The following RTEL1 variants were observed in gnomAD, a reference collection of about 807,000 sequenced individuals.
RTEL1 encodes regulator of telomere length.
A neutral mutation model predicts 162.2 loss-of-function variants in RTEL1; 86 were observed. That is an observed-to-expected ratio of 0.53 (90% CI 0.45 to 0.63). The LOEUF (loss-of-function observed/expected upper bound fraction) is 0.63, where lower values mean the gene tolerates loss of function less well. Among genes scored for constraint, RTEL1 ranks in the 30% least tolerant of loss-of-function variants. The pLI is 0.00. For synonymous variants in RTEL1, 958 were observed against 717.9 expected (o/e 1.33, Z -5.35); for missense variants, 1,941 against 1,750.2 (o/e 1.11, Z -1.95).
intron 10 of RTEL1, among the ~76,000 whole-genome samples, chr20:63,676,618 A>T (rs2090354723): frequency 6.6e-6 from 1 of 152,150 alleles, no homozygotes; most frequent in Admixed American, 6.5e-5. Context: ...TGGTGATCCC[A>T]TTCACACAGG....
Position 63,685,608 on chromosome 20 carries a change from C to A in RTEL1, c.1266+11C>A. ...TTACAGTCCTATAAGGTAGGGGCCA[C>A]CTCCAGGAGGCAGGTGGAGGGCAGC... On this transcript the variant is annotated intron_variant, in intron 15 of 34. Transcript: ENST00000360203. 4 of 1,608,600 alleles carry A rather than the reference C, an allele frequency of 2.5e-6. No individual in the cohort carries two copies. The South Asian group carries it at 4.4e-5, about 18-fold the overall frequency.
At chr20:63,688,704 C>T in intron 21 of RTEL1, 99 bp downstream of exon 21, 1 of 1,088,002 alleles carries the variant, frequency 9.2e-7, no homozygotes, top group Admixed American at 2.4e-5. Context: ...ACCATGGGCT[C>T]CGGCGGCTCC....
At chr20:63,667,579 G>C in intron 8 of RTEL1, 26 bp downstream of exon 8, 2 of 1,564,748 alleles carry the variant, frequency 1.3e-6, no homozygotes, top group Non-Finnish European at 1.8e-6. Flanking sequence ...TGTAGCTGAC[G>C]ACTCCTGATG....
In RTEL1 at chr20:63,691,823, C is replaced by G. The variant is rs376204071; in HGVS notation, c.2638C>G (p.Leu880Val). 111 of 1,611,092 alleles carry G rather than the reference C, an allele frequency of 6.9e-5. No individual in the cohort carries two copies. Among genetic ancestry groups the G allele is most frequent in the Non-Finnish European group, 8.6e-5 (102 of 1,179,694 alleles). ...GCGAGGAGGGAGGAAGAAGATCCGG[C>G]TGGTCAGCCACCCGGTGCGTGAGCT... The part of the protein sequence containing the change: ...EPRGGRKKIR[L>V]VSHPEEPVAG... The change falls in exon 28 of 35, where the codon CTG becomes GTG. Residue 880 changes from leucine (L) to valine (V), a missense_variant. Physicochemically the swap from Leu to Val is conservative, Grantham distance 32. Transcript: ENST00000360203.
intron 14 of RTEL1, chr20:63,682,531 G>C: frequency 2.0e-6 from 2 of 985,772 alleles, no homozygotes; most frequent in Non-Finnish European, 2.4e-6. Flanking sequence ...CCATCGGTTT[G>C]GAATTTCCTT....
At chr20:63,679,179 G>T (rs752671170) in intron 12 of RTEL1, among the ~76,000 whole-genome samples, 31 of 151,908 alleles carry the variant, frequency 2.0e-4, no homozygotes, top group Admixed American at 2.0e-4. Context: ...GGCAGATGAG[G>T]AGTCAGGGCT....
At position 63,659,220 on chromosome 20, in the gene RTEL1, C is replaced by T. The variant is rs1316237684; in HGVS notation, c.-170-13C>T. On this transcript the variant is annotated splice_polypyrimidine_tract_variant and intron_variant, in intron 1 of 34. Transcript: ENST00000360203. ...AAGGCTGTCTACAAACAGAGTCTTA[C>T]TGTCTTTCCCAGGTCTGTGCCATAG... 1.1e-5 allele frequency: 7 copies of T among 615,920 alleles called. No homozygotes were observed. Among genetic ancestry groups the T allele is most frequent in the African/African-American group, 1.1e-4 (6 of 54,790 alleles). The allele number at this position is 615,920 out of a possible 1,614,324, so 38.2% of individuals were successfully genotyped here. A position where few individuals can be genotyped will look rare whatever the true frequency, so the allele number is the denominator to read the frequency against.
intron 19 of RTEL1, 61 bp downstream of exon 19, chr20:63,688,240 G>A: frequency 1.2e-6 from 2 of 1,609,728 alleles, no homozygotes; most frequent in Non-Finnish European, 1.7e-6. Context: ...GCTCCCAAGA[G>A]CTGGTAGGGA....
In RTEL1 at chr20:63,695,822, G is replaced by A. The variant is rs936641280; in HGVS notation, c.3867G>A (p.Gln1289=). The A allele has an allele frequency of 2.5e-6, 4 of 1,600,340 alleles. No individual in the cohort carries two copies. The highest frequency in any genetic ancestry group is 1.7e-6 in the Non-Finnish European group (2 of 1,174,974). The change falls in exon 35 of 35, where the codon CAG becomes CAA. Residue 1289 remains glutamine, a synonymous_variant. Transcript: ENST00000360203. Reference sequence around the variant, plus strand: ...CCTGCCACACCGCCTCCAGGAAGCAGAGCGTCATGCAGGTCTTCTGGCCAG... The same window carrying A: ...CCTGCCACACCGCCTCCAGGAAGCAAAGCGTCATGCAGGTCTTCTGGCCAG... The part of the protein sequence containing the change: ...CPACHTASRK[Q]SVMQVFWPEP...
At chr20:63,667,592 C>A in intron 8 of RTEL1, 39 bp downstream of exon 8, 1 of 1,518,248 alleles carries the variant, frequency 6.6e-7, no homozygotes, top group Non-Finnish European at 9.1e-7. Context: ...TCCTGATGTC[C>A]AGGGGTGTCC....
At chr20:63,693,050 C>A (rs2090796693) in intron 29 of RTEL1, 47 bp downstream of exon 29, 1 of 1,610,040 alleles carries the variant, frequency 6.2e-7, no homozygotes, top group Non-Finnish European at 8.5e-7. Context: ...AGTGCTGCCG[C>A]CGCGTGTGGG....
chr20:63,693,463 C>G (rs113911531), intron 30 of RTEL1, among the ~76,000 whole-genome samples, 180 bp downstream of exon 30: 1 of 16,702 alleles, frequency 6.0e-5, no homozygotes, highest in Non-Finnish European at 1.1e-4. Context: ...ACCTCCACCT[C>G]CACCTCCACC....
rs1219409480 is a variant in RTEL1 at position 63,687,685 on chromosome 20, G to T, written c.1396G>T (p.Glu466Ter). The T allele has an allele frequency of 6.2e-7, 1 of 1,608,776 alleles. No individual in the cohort carries two copies. Among genetic ancestry groups the T allele is most frequent in the Non-Finnish European group, 8.5e-7 (1 of 1,179,208 alleles). ...CTTCAGTCCCGGCCACAGCATGCACGAGCTGGTCCGCCAGGGCGTCCGCTC... is the reference window on the plus strand; with the variant it reads ...CTTCAGTCCCGGCCACAGCATGCACTAGCTGGTCCGCCAGGGCGTCCGCTC... ...WCFSPGHSMHELVRQGVRSLI... is the reference protein window; with the variant it reads ...WCFSPGHSMH The change falls in exon 17 of 35, where the codon GAG becomes TAG. Residue 466 changes from glutamate to a stop codon, truncating the protein, a stop_gained. Coordinates refer to ENST00000360203, the MANE Select transcript of RTEL1 (RefSeq NM_001283009.2). LOFTEE classifies it high-confidence loss of function.
At chr20:63,691,881 G>A (rs376300198) in intron 28 of RTEL1, 44 bp downstream of exon 28, 8 of 1,522,696 alleles carry the variant, frequency 5.3e-6, no homozygotes, top group East Asian at 2.3e-5. Context: ...CCATAGACAC[G>A]CATGGGAACG....
chr20:63,681,259 T>C, intron 14 of RTEL1: 9 of 985,434 alleles, frequency 9.1e-6, no homozygotes, highest in Non-Finnish European at 9.6e-6. Flanking sequence ...TCCATGCCTA[T>C]GGCAGCACCT....
chr20:63,692,592 C>T (rs1290583981), intron 28 of RTEL1: 4 of 595,520 alleles, frequency 6.7e-6, no homozygotes, highest in African/African-American at 5.6e-5. Context: ...CCCTGCCAGC[C>T]TCTCACTGTG....
Position 63,695,657 on chromosome 20 carries a change from G to T in RTEL1, c.3822+7G>T, listed in dbSNP as rs2145481218. 1.9e-6 allele frequency: 3 copies of T among 1,611,004 alleles called. No individual in the cohort carries two copies. The highest frequency in any genetic ancestry group is 1.1e-5 in the South Asian group (1 of 91,010). On this transcript the variant is annotated splice_region_variant and intron_variant, in intron 34 of 34. Coordinates refer to ENST00000360203, the MANE Select transcript of RTEL1 (RefSeq NM_001283009.2). Reference sequence around the variant, plus strand: ...CTGGCAACGGCACCTTCAGGTTGGTGCCTGGCCACTACAGTTCCTGCTGGG... The same window carrying T: ...CTGGCAACGGCACCTTCAGGTTGGTTCCTGGCCACTACAGTTCCTGCTGGG...
chr20:63,690,799 C>CT lies in RTEL1; in HGVS notation c.2414-5dup. ...GGCTTCACTGCGCACTCGGGTGCCCCTGCAGGGTCACCAGCTGCCGGGGAC... is the reference window on the plus strand; with the variant it reads ...GGCTTCACTGCGCACTCGGGTGCCCCTTGCAGGGTCACCAGCTGCCGGGGAC... On this transcript the variant is annotated splice_region_variant and splice_polypyrimidine_tract_variant and intron_variant, in intron 26 of 34. Transcript: ENST00000360203. 1 of 1,601,142 alleles carries CT rather than the reference C, an allele frequency of 6.2e-7. No homozygotes were observed.
intron 6 of RTEL1, chr20:63,665,109 A>AGTGT (rs112246475): frequency 4.4e-4 from 67 of 153,582 alleles, no homozygotes; most frequent in African/African-American, 1.3e-3. Context: ...GGTGTGTGTG[A>AGTGT]GTGTGTGTGT....
Sources: gnomAD v4.1 joint callset for allele counts (sites outside exome capture counted in the v4.1 genomes callset) on GRCh38, gnomAD v4.1.1 for gene constraint, MANE v1.5 for transcripts, NCBI Gene and HGNC (gene_info 2026-07-23, HGNC 2026-07-21) for gene names.